VPS13C: variants seen among roughly 807,000 people sequenced by gnomAD.
VPS13C encodes intermembrane lipid transfer protein VPS13C.
A neutral mutation model predicts 456.8 loss-of-function variants in VPS13C; 358 were observed. That is an observed-to-expected ratio of 0.78 (90% CI 0.72 to 0.86). The LOEUF is 0.86. Ranked by LOEUF, VPS13C falls within the 40% of genes least tolerant of loss-of-function variation. The pLI is 0.00. For missense variants in VPS13C, 4,818 were observed against 4,385.4 expected (o/e 1.10, Z -2.79); for synonymous variants, 1,578 against 1,486.7 (o/e 1.06, Z -1.41).
At chr15:61,963,635 A>ATATG (rs1307364341) in intron 32 of VPS13C, among the ~76,000 whole-genome samples, 200 bp downstream of exon 32, 1 of 152,036 alleles carries the variant, frequency 6.6e-6, no homozygotes, top group Non-Finnish European at 1.5e-5. Context: ...AAACACCAGG[A>ATATG]TATGTGTAGA....
Position 61,853,312 on chromosome 15 carries a change from A to T in VPS13C, c.*1145T>A, listed in dbSNP as rs1463238526. On this transcript the variant is annotated 3_prime_UTR_variant, in exon 85 of 85. Transcript: ENST00000644861. ...CCTTAAAAGACTTTCAACCTGTAAG[A>T]AACAATTTCTGGGAATATAAAAATA... The T allele has an allele frequency of 6.6e-6, 1 of 152,238 alleles. No individual in the cohort carries two copies. Among genetic ancestry groups the T allele is most frequent in the African/African-American group, 2.4e-5 (1 of 41,458 alleles). The allele number at this position is 152,238 out of a possible 1,614,324, so 9.4% of individuals were successfully genotyped here. A position where few individuals can be genotyped will look rare whatever the true frequency, so the allele number is the denominator to read the frequency against.
chr15:61,888,941 T>C lies in VPS13C; in HGVS notation c.9341+1224A>G, dbSNP rs182860210. ...AATGTACCACACTACTGCAAGATGT[T>C]AGTAATAGGGGAAACAAGAGTGCGG... On this transcript the variant is annotated intron_variant, in intron 67 of 84. Transcript: ENST00000644861. Among the ~76,000 whole-genome samples the C allele has an allele frequency of 7.2e-5, 11 of 152,224 alleles. No individual in the cohort carries two copies. In the East Asian group the frequency reaches 2.1e-3, roughly 29 times the overall value.
rs773580171 is a variant in VPS13C, at chr15:62,008,778, A to G, written c.1012-17T>C. The G allele has an allele frequency of 5.5e-6, 8 of 1,442,636 alleles. No homozygotes were observed. The allele number at this position is 1,442,636 out of a possible 1,614,324, so 89.4% of individuals were successfully genotyped here. On this transcript the variant is annotated splice_polypyrimidine_tract_variant and intron_variant, in intron 13 of 84. Coordinates refer to ENST00000644861, the MANE Select transcript of VPS13C (RefSeq NM_020821.3). ...ACTTAAGTACTGTTAAAACAAAAAT[A>G]AAATTATATTTATTACACTGTATAT... is the stretch of plus-strand genomic sequence containing the variant.
At chr15:61,908,898 A>T in intron 65 of VPS13C, 94 bp downstream of exon 65, 2 of 1,459,264 alleles carry the variant, frequency 1.4e-6, no homozygotes, top group South Asian at 2.7e-5. Context: ...ACCTTTCTAA[A>T]ATCTAAAAAC....
At chr15:61,962,918 T>C in intron 32 of VPS13C, 66 bp from the exon 33 acceptor site, 1 of 1,124,252 alleles carries the variant, frequency 8.9e-7, no homozygotes, top group Non-Finnish European at 1.2e-6. Flanking sequence ...TTCTTTCCAT[T>C]ACATTATTTT....
chr15:61,901,016 T>C (rs969605291), intron 66 of VPS13C, among the ~76,000 whole-genome samples: 13 of 152,196 alleles, frequency 8.5e-5, no homozygotes, highest in Admixed American at 2.6e-4. Context: ...GGGAAAGGAT[T>C]CCCTATTTAA....
At chr15:61,895,959 T>C (rs973495566) in intron 66 of VPS13C, among the ~76,000 whole-genome samples, 3 of 152,154 alleles carry the variant, frequency 2.0e-5, no homozygotes, top group African/African-American at 7.2e-5. Flanking sequence ...AAAAGGATAT[T>C]GAATGTTCCT....
intron 66 of VPS13C, among the ~76,000 whole-genome samples, chr15:61,894,336 C>T (rs1407733999): frequency 1.3e-5 from 2 of 151,366 alleles, no homozygotes; most frequent in Non-Finnish European, 3.0e-5. Context: ...AAAAAAAACC[C>T]CAGAAATCCT....
At chr15:62,023,759 C>A (rs374325150) in intron 7 of VPS13C, 21 bp downstream of exon 7, 282 of 1,597,240 alleles carry the variant, frequency 1.8e-4, no homozygotes, top group Non-Finnish European at 2.4e-4. Context: ...AACACCATGG[C>A]ATAAAACTAC....
intron 16 of VPS13C, among the ~76,000 whole-genome samples, chr15:61,997,400 C>T (rs1267695439): frequency 6.6e-6 from 1 of 152,132 alleles, no homozygotes; most frequent in Non-Finnish European, 1.5e-5. Flanking sequence ...CTCATGCAAT[C>T]TCATGGCTTT....
At position 61,947,219 on chromosome 15, in the gene VPS13C, C is replaced by A. The variant is rs763860563; in HGVS notation, c.4850G>T (p.Cys1617Phe). ...AFNVFVCDQK[C>F]NIADIKIHGM... ...ATGTATTTTAATATCTGCAATGTTA[C>A]ACTTCTGATCACAGACAAAGACATT... The change falls in exon 43 of 85, where the codon TGT (cysteine) becomes TTT (phenylalanine). Residue 1617 changes from cysteine to phenylalanine, a missense_variant. Physicochemically the swap from Cys to Phe is radical, Grantham distance 205. Coordinates refer to ENST00000644861, the MANE Select transcript of VPS13C (RefSeq NM_020821.3). The A allele has an allele frequency of 8.7e-6, 14 of 1,600,756 alleles. No homozygotes were observed. The South Asian group carries it at 1.6e-4, about 18-fold the overall frequency.
chr15:61,957,745 T>C (rs2045055403), intron 37 of VPS13C, among the ~76,000 whole-genome samples: 5 of 152,118 alleles, frequency 3.3e-5, no homozygotes, highest in Admixed American at 2.6e-4. Context: ...TAAAAGTATA[T>C]GTATGAGGAT....
chr15:61,982,710 T>A, intron 20 of VPS13C, 137 bp from the exon 21 acceptor site: 1 of 581,120 alleles, frequency 1.7e-6, no homozygotes. Flanking sequence ...CTACTACATC[T>A]CCCTTTGGAG....
chr15:61,964,940 C>G (rs1265113086), intron 30 of VPS13C, 79 bp from the exon 31 acceptor site: 2 of 1,330,718 alleles, frequency 1.5e-6, no homozygotes, highest in African/African-American at 3.0e-5. Flanking sequence ...CCAAAAGATT[C>G]TCAGGTGGGC....
chr15:61,933,496 G>A (rs2044128397), intron 49 of VPS13C, among the ~76,000 whole-genome samples: 2 of 152,182 alleles, frequency 1.3e-5, no homozygotes, highest in African/African-American at 4.8e-5. Context: ...ATGTCCATTT[G>A]AGTATATTGC....
At chr15:62,046,796 A>G (rs2048417830) in intron 1 of VPS13C, among the ~76,000 whole-genome samples, 1 of 152,216 alleles carries the variant, frequency 6.6e-6, no homozygotes, top group African/African-American at 2.4e-5. Flanking sequence ...AAGTAGTAGG[A>G]TAGCAGGTGG....
chr15:61,871,972 A>C lies in VPS13C; in HGVS notation c.10624+17T>G. The C allele has an allele frequency of 6.2e-7, 1 of 1,608,572 alleles. No homozygotes were observed. The highest frequency in any genetic ancestry group is 8.5e-7 in the Non-Finnish European group (1 of 1,176,608). ...AGTCTTCAGACTTTGTAAAGGAAGG[A>C]AATATTTTCAACATACCTTCCACAG... On this transcript the variant is annotated intron_variant, in intron 79 of 84. Transcript: ENST00000644861.
chr15:61,940,592 A>G (rs1455695780), intron 47 of VPS13C, 55 bp downstream of exon 47: 1 of 1,559,354 alleles, frequency 6.4e-7, no homozygotes, highest in Non-Finnish European at 8.7e-7. Context: ...CTGCACTATG[A>G]TCAACGAGAA....
chr15:61,894,472 T>A (rs1361845857), intron 66 of VPS13C, among the ~76,000 whole-genome samples: 5 of 152,116 alleles, frequency 3.3e-5, no homozygotes, highest in Non-Finnish European at 7.4e-5. Context: ...AACTATATGT[T>A]GTCTACCAGA....
Sources: gnomAD v4.1 joint callset for allele counts (sites outside exome capture counted in the v4.1 genomes callset) on GRCh38, gnomAD v4.1.1 for gene constraint, MANE v1.5 for transcripts, NCBI Gene and HGNC (gene_info 2026-07-23, HGNC 2026-07-21) for gene names.